MARK1: variants seen among roughly 807,000 people sequenced by gnomAD.
MARK1 encodes the protein microtubule affinity regulating kinase 1.
In MARK1, 40 loss-of-function variants were observed where a neutral mutation model predicts 96.3. The observed-to-expected ratio is 0.42, with a 90% confidence interval of 0.32 to 0.54. The LOEUF is 0.54. MARK1 is among the 20% of genes least tolerant of loss of function. The pLI is 0.16. For synonymous variants in MARK1, 317 were observed against 341.2 expected (o/e 0.93, Z 0.78); for missense variants, 719 against 984.6 (o/e 0.73, Z 3.61).
At chr1:220,549,914 G>A (rs1388332171) in intron 1 of MARK1, among the ~76,000 whole-genome samples, 1 of 152,186 alleles carries the variant, frequency 6.6e-6, no homozygotes, top group African/African-American at 2.4e-5. Context: ...TAGATGTTCA[G>A]TAATGGTATC....
chr1:220,541,649 C>T (rs527941710), intron 1 of MARK1, among the ~76,000 whole-genome samples: 9 of 152,082 alleles, frequency 5.9e-5, no homozygotes, highest in African/African-American at 1.4e-4. Context: ...TTTATCACTA[C>T]GTAATATTCT....
intron 17 of MARK1, among the ~76,000 whole-genome samples, chr1:220,660,796 C>T (rs1445011240): frequency 6.6e-6 from 1 of 152,082 alleles, no homozygotes; most frequent in East Asian, 1.9e-4. Context: ...TTAATTATTA[C>T]TATGTACCCA....
At chr1:220,560,180 C>A (rs1017172829) in intron 1 of MARK1, among the ~76,000 whole-genome samples, 2 of 152,256 alleles carry the variant, frequency 1.3e-5, no homozygotes, top group South Asian at 4.1e-4. Flanking sequence ...AACTGCCCCC[C>A]CATGATTCGT....
In MARK1 at chr1:220,615,944, A is replaced by G; in HGVS notation, c.501A>G (p.Val167=). Residue 167 remains valine, a synonymous_variant, in exon 7 of 18, where the codon GTA becomes GTG. Transcript: ENST00000366917. ...KEARAKFRQI[V]SAVQYCHQKY... ...TATCCAAATGTTTATTCCAGATTGT[A>G]TCTGCTGTACAGTATTGTCATCAAA... The G allele has an allele frequency of 6.5e-7, 1 of 1,536,930 alleles. No homozygotes were observed.
At chr1:220,541,455 G>A (rs1345611425) in intron 1 of MARK1, among the ~76,000 whole-genome samples, 1 of 152,102 alleles carries the variant, frequency 6.6e-6, no homozygotes, top group African/African-American at 2.4e-5. Flanking sequence ...GTGTTCTTCA[G>A]GTCCTCTGTT....
intron 13 of MARK1, among the ~76,000 whole-genome samples, chr1:220,639,273 A>G (rs1359296401): frequency 6.6e-6 from 1 of 152,154 alleles, no homozygotes; most frequent in Non-Finnish European, 1.5e-5. Context: ...AAAAAAATAA[A>G]AATAAAAATA....
chr1:220,568,184 A>G (rs1022937234), intron 1 of MARK1, among the ~76,000 whole-genome samples: 3 of 152,170 alleles, frequency 2.0e-5, no homozygotes, highest in Non-Finnish European at 4.4e-5. Flanking sequence ...TGCAATAAAT[A>G]TCTTTGTTCT....
In MARK1 at chr1:220,618,293, T is replaced by TACATTGTTCTTTAC; in HGVS notation, c.553-16_553-15insCATTGTTCTTTACA. On this transcript the variant is annotated splice_polypyrimidine_tract_variant and intron_variant, in intron 7 of 17. Transcript: ENST00000366917. The surrounding 1 kb of genome is among the most constrained non-coding windows in gnomAD (Gnocchi z 4.6). Reference sequence around the variant, plus strand: ...TGTAGGCTTTTTACATTGTTCTTTCTATTATTTTCCTCTTAGGCTGAAAAC... The same window carrying TACATTGTTCTTTAC: ...TGTAGGCTTTTTACATTGTTCTTTCTACATTGTTCTTTACATTATTTTCCTCTTAGGCTGAAAAC... 2 of 1,459,598 alleles carry TACATTGTTCTTTAC rather than the reference T, an allele frequency of 1.4e-6. No individual in the cohort carries two copies. The highest frequency in any genetic ancestry group is 1.9e-6 in the Non-Finnish European group (2 of 1,041,032). 90.4% of individuals were successfully genotyped at this position (1,459,598 alleles called of 1,614,324 possible).
At chr1:220,565,488 G>A (rs1662981473) in intron 1 of MARK1, among the ~76,000 whole-genome samples, 1 of 152,012 alleles carries the variant, frequency 6.6e-6, no homozygotes, top group African/African-American at 2.4e-5. Flanking sequence ...AAATGTGAGT[G>A]TGTACTTGTA....
In MARK1 at chr1:220,657,823, C is replaced by G. The variant is rs749814836; in HGVS notation, c.2022C>G (p.Thr674=). The change falls in exon 17 of 18, where the codon ACC becomes ACG. Residue 674 remains threonine (T), a synonymous_variant. Coordinates refer to ENST00000366917, the MANE Select transcript of MARK1 (RefSeq NM_018650.5). ...DPSEGEASGR[T]DTSRSTSGEP... is the part of the protein sequence containing the mutation. ...GTGAAGGCGAAGCCAGTGGCAGAAC[C>G]GACACCTCAAGGTGAGGAGCCACTA... 35 of 1,570,948 alleles carry G rather than the reference C, an allele frequency of 2.2e-5. No homozygotes were observed. Among genetic ancestry groups the G allele is most frequent in the Non-Finnish European group, 2.1e-5 (25 of 1,163,596 alleles).
chr1:220,533,662 A>G (rs769855097), intron 1 of MARK1, among the ~76,000 whole-genome samples: 14 of 152,120 alleles, frequency 9.2e-5, no homozygotes, highest in Admixed American at 9.2e-4. Context: ...TCCATTGTCT[A>G]TTGATATACA....
At chr1:220,623,126 C>G (rs1667133304) in intron 9 of MARK1, among the ~76,000 whole-genome samples, 1 of 152,142 alleles carries the variant, frequency 6.6e-6, no homozygotes, top group South Asian at 2.1e-4. Flanking sequence ...GTTTATTCAG[C>G]TAGTTTCTAT....
chr1:220,552,390 C>CT (rs1661925942), intron 1 of MARK1, among the ~76,000 whole-genome samples: 1 of 152,148 alleles, frequency 6.6e-6, no homozygotes, highest in Non-Finnish European at 1.5e-5. Context: ...AGCACCATAT[C>CT]TTAGTCACAA....
chr1:220,658,215 T>C (rs1373410840), intron 17 of MARK1, among the ~76,000 whole-genome samples: 1 of 152,238 alleles, frequency 6.6e-6, no homozygotes. Context: ...TAGGAAGATT[T>C]GATATTAGTA....
intron 9 of MARK1, among the ~76,000 whole-genome samples, chr1:220,619,444 A>G (rs780960947): frequency 3.3e-5 from 5 of 152,240 alleles, no homozygotes; most frequent in Non-Finnish European, 5.9e-5. Context: ...ACTGCACTCC[A>G]GCCTGGGCGA....
At position 220,579,570 on chromosome 1, in the gene MARK1, A is replaced by G. The variant is rs1664093464; in HGVS notation, c.255+13A>G. On this transcript the variant is annotated intron_variant, in intron 2 of 17. Transcript: ENST00000366917. ...AACTGGTAGAGAGGTAAGTTTGCACAATGCCTTTTAATATCTGCCTGGACC... is the reference window on the plus strand; with the variant it reads ...AACTGGTAGAGAGGTAAGTTTGCACGATGCCTTTTAATATCTGCCTGGACC... 4 of 1,608,482 alleles carry G rather than the reference A, an allele frequency of 2.5e-6. No homozygotes were observed. In the African/African-American group the frequency reaches 4.0e-5, roughly 16 times the overall value.
intron 1 of MARK1, among the ~76,000 whole-genome samples, chr1:220,562,326 T>G (rs1176344555): frequency 6.6e-6 from 1 of 152,154 alleles, no homozygotes; most frequent in Middle Eastern, 3.4e-3. Context: ...AAAATTTGCC[T>G]TAGTGTGGTG....
intron 16 of MARK1, among the ~76,000 whole-genome samples, chr1:220,657,259 A>G (rs1669225748): frequency 6.6e-6 from 1 of 152,212 alleles, no homozygotes; most frequent in African/African-American, 2.4e-5. Context: ...AGACTTGCCT[A>G]CATGGATAGG....
In MARK1 at chr1:220,572,783, AT is replaced by A. The variant is rs765860751; in HGVS notation, c.52-6567del. Reference sequence around the variant, plus strand: ...GCTCTTTATTCATTTATATAGATTCATTTTACCCTCTATTGTTACTTTCATT... The same window carrying A: ...GCTCTTTATTCATTTATATAGATTCATTTACCCTCTATTGTTACTTTCATT... On this transcript the variant is annotated intron_variant, in intron 1 of 17. Coordinates refer to ENST00000366917, the MANE Select transcript of MARK1 (RefSeq NM_018650.5). 4.9e-4 allele frequency among the ~76,000 whole-genome samples: 74 copies of A among 152,150 alleles called. 3 individuals are homozygous for A. The South Asian group carries it at 0.014, about 28-fold the overall frequency.
Sources: allele counts gnomAD v4.1 joint callset (sites outside exome capture counted in the v4.1 genomes callset), GRCh38; gene constraint gnomAD v4.1.1; non-coding constraint Gnocchi (gnomAD v3.1); transcripts MANE v1.5; gene names NCBI Gene and HGNC (gene_info 2026-07-23, HGNC 2026-07-21).